GPC3: variants seen among roughly 807,000 people sequenced by gnomAD.
GPC3 encodes the protein glypican 3.
A neutral mutation model predicts 34.4 loss-of-function variants in GPC3; 3 were observed. The observed-to-expected ratio is 0.09, with a 90% confidence interval of 0.04 to 0.23. GPC3 has a LOEUF of 0.23. GPC3 is among the 10% of genes least tolerant of loss of function. The probability of loss-of-function intolerance (pLI) is 1.00; values close to 1 mark genes in which losing one functional copy is unlikely to be tolerated. For missense variants in GPC3, 351 were observed against 445.6 expected, an observed-to-expected ratio of 0.79 and a Z score of 1.91; for synonymous variants, 177 against 174.0, an observed-to-expected ratio of 1.02 and a Z score of -0.13.
intron 3 of GPC3, among the ~76,000 whole-genome samples, chrX:133,722,893 G>A (rs1242960751): frequency 9.0e-6 from 1 of 111,529 alleles, no homozygotes; most frequent in Non-Finnish European, 1.9e-5. Flanking sequence ...TCTGACCCCT[G>A]AACAAAAACA....
At chrX:133,916,202 T>C (rs1482966821) in intron 2 of GPC3, among the ~76,000 whole-genome samples, 1 of 109,027 alleles carries the variant, frequency 9.2e-6, no homozygotes, top group Non-Finnish European at 1.9e-5. Flanking sequence ...TCAAACAATA[T>C]TGCATAGCCA....
chrX:133,814,565 G>GTTA (rs1349361462), intron 2 of GPC3, among the ~76,000 whole-genome samples: 5 of 108,895 alleles, frequency 4.6e-5, no homozygotes, highest in East Asian at 2.9e-4. Flanking sequence ...AATTTTTATT[G>GTTA]TTATTATTAT....
At chrX:133,661,958 G>A (rs758808619) in intron 5 of GPC3, 108 bp from the exon 6 acceptor site, 17 of 915,054 alleles carry the variant, frequency 1.9e-5, no homozygotes, top group East Asian at 9.7e-5. Flanking sequence ...CTCATGAGAC[G>A]ACCTCATGGT....
At chrX:133,795,285 T>C (rs1459122357) in intron 2 of GPC3, among the ~76,000 whole-genome samples, 1 of 112,815 alleles carries the variant, frequency 8.9e-6, no homozygotes, top group East Asian at 2.8e-4. Context: ...AGACTATCCT[T>C]TATCTGCCTG....
At chrX:133,772,147 T>G (rs2124495029) in intron 2 of GPC3, among the ~76,000 whole-genome samples, 1 of 111,721 alleles carries the variant, frequency 9.0e-6, no homozygotes, top group African/African-American at 3.3e-5. Context: ...AGAAAAAAAC[T>G]AAACTAAAGA....
At chrX:133,932,670 G>A (rs1244096224) in intron 2 of GPC3, among the ~76,000 whole-genome samples, 3 of 111,626 alleles carry the variant, frequency 2.7e-5, no homozygotes, top group Non-Finnish European at 5.6e-5. Flanking sequence ...TTAGAGATTA[G>A]CTAGCCCTGT....
At chrX:133,706,789 G>A (rs1183284262) in intron 3 of GPC3, among the ~76,000 whole-genome samples, 1 of 111,796 alleles carries the variant, frequency 8.9e-6, no homozygotes, top group Non-Finnish European at 1.9e-5. Context: ...GCAGAGGGGA[G>A]TTTGGAGATT....
intron 2 of GPC3, among the ~76,000 whole-genome samples, chrX:133,772,943 ATATGGGAGACTAGACC>A (rs1051827363): frequency 5.4e-5 from 6 of 111,813 alleles, no homozygotes; most frequent in Admixed American, 9.5e-5. Context: ...CTAATGCCTG[ATATGGGAGACTAGACC>A]TTGTCCTTGG....
chrX:133,785,794 T>C (rs1036958142), intron 2 of GPC3, among the ~76,000 whole-genome samples: 3 of 112,162 alleles, frequency 2.7e-5, no homozygotes, highest in Non-Finnish European at 5.6e-5. Flanking sequence ...TAGCCACAGA[T>C]TAATTTCTTG....
intron 7 of GPC3, among the ~76,000 whole-genome samples, chrX:133,551,816 A>T (rs2069436075): frequency 9.0e-6 from 1 of 110,682 alleles, no homozygotes; most frequent in South Asian, 3.9e-4. Context: ...AGCTCCACAG[A>T]CCTATTTATC....
chrX:133,557,533 G>A (rs974445479), intron 7 of GPC3, among the ~76,000 whole-genome samples: 12 of 111,226 alleles, frequency 1.1e-4, no homozygotes, highest in African/African-American at 1.6e-4. Context: ...TATATCAGTT[G>A]GATTATGGAG....
chrX:133,837,563 G>A (rs987332855), intron 2 of GPC3, among the ~76,000 whole-genome samples: 1 of 111,587 alleles, frequency 9.0e-6, no homozygotes, highest in African/African-American at 3.3e-5. Flanking sequence ...GGGCCTCAGG[G>A]TCGCACAACC....
intron 2 of GPC3, among the ~76,000 whole-genome samples, chrX:133,898,892 C>T (rs967610013): frequency 1.8e-5 from 2 of 111,732 alleles, no homozygotes; most frequent in African/African-American, 6.5e-5. Flanking sequence ...AAAAGATTTC[C>T]GGACTACCTA....
At chrX:133,913,531 G>T (rs936859353) in intron 2 of GPC3, among the ~76,000 whole-genome samples, 2 of 112,212 alleles carry the variant, frequency 1.8e-5, no homozygotes, top group African/African-American at 6.5e-5. Flanking sequence ...CAGTCTGACA[G>T]CTGGACCTGG....
chrX:133,579,237 C>T (rs1365884981), intron 7 of GPC3, among the ~76,000 whole-genome samples: 1 of 112,596 alleles, frequency 8.9e-6, no homozygotes, highest in African/African-American at 3.2e-5. Context: ...CCTGTACATA[C>T]TGCAATCAGT....
intron 2 of GPC3, among the ~76,000 whole-genome samples, chrX:133,837,152 G>A (rs1276335979): frequency 2.7e-5 from 3 of 111,632 alleles, no homozygotes; most frequent in Non-Finnish European, 5.6e-5. Context: ...CTTCTGTAAT[G>A]CAACCCAGTG....
intron 2 of GPC3, among the ~76,000 whole-genome samples, chrX:133,871,651 C>T (rs1470268055): frequency 8.9e-6 from 1 of 112,085 alleles, no homozygotes; most frequent in African/African-American, 3.2e-5. Flanking sequence ...AGAGATGATA[C>T]ACTTTAAACC....
chrX:133,875,202 T>C (rs1045373690), intron 2 of GPC3, among the ~76,000 whole-genome samples: 1 of 112,072 alleles, frequency 8.9e-6, no homozygotes, highest in Non-Finnish European at 1.9e-5. Context: ...TAGTGTCTCA[T>C]TTCCAACTGG....
At chrX:133,803,562 A>T (rs2075621187) in intron 2 of GPC3, among the ~76,000 whole-genome samples, 1 of 112,012 alleles carries the variant, frequency 8.9e-6, no homozygotes, top group Non-Finnish European at 1.9e-5. Context: ...TTCTTCCAAG[A>T]CATAGTCAAA....
Sources: gnomAD v4.1 joint callset for allele counts (sites outside exome capture counted in the v4.1 genomes callset) on GRCh38, gnomAD v4.1.1 for gene constraint, MANE v1.5 for transcripts, NCBI Gene and HGNC (gene_info 2026-07-23, HGNC 2026-07-21) for gene names.